The following FSD1L variants were observed in gnomAD, a reference collection of about 807,000 sequenced individuals.
FSD1L encodes the protein fibronectin type III and SPRY domain containing 1 like.
A neutral mutation model predicts 71.6 loss-of-function variants in FSD1L; 45 were observed. That is an observed-to-expected ratio of 0.63 (90% confidence interval 0.49 to 0.81). FSD1L has a LOEUF of 0.81. Ranked by LOEUF, FSD1L falls within the 30% of genes least tolerant of loss-of-function variation. FSD1L has a pLI of 0.00. For missense variants in FSD1L, 561 were observed against 618.1 expected (o/e 0.91, Z 0.98); for synonymous variants, 197 against 207.2 (o/e 0.95, Z 0.42).
At chr9:105,454,921 TAGAG>T (rs1485381610) in intron 1 of FSD1L, among the ~76,000 whole-genome samples, 2 of 152,208 alleles carry the variant, frequency 1.3e-5, no homozygotes, top group African/African-American at 4.8e-5. Context: ...GTTTCACTGT[TAGAG>T]AGGGTGTAGC....
intron 12 of FSD1L, among the ~76,000 whole-genome samples, chr9:105,537,111 G>C (rs977578225): frequency 6.6e-6 from 1 of 152,046 alleles, no homozygotes; most frequent in Non-Finnish European, 1.5e-5. Flanking sequence ...CATTGAATTA[G>C]TTATTTCATA....
chr9:105,447,619 A>G (rs1829699830), upstream of FSD1L, among the ~76,000 whole-genome samples: 1 of 152,072 alleles, frequency 6.6e-6, no homozygotes, highest in Non-Finnish European at 1.5e-5. Flanking sequence ...CGTTTCCACC[A>G]CATCCCCTAA....
At chr9:105,525,443 A>G in intron 10 of FSD1L, 1 of 1,608,152 alleles carries the variant, frequency 6.2e-7, no homozygotes, top group Non-Finnish European at 8.5e-7. Flanking sequence ...CATACAGAAG[A>G]AAAAGAATTT....
chr9:105,504,500 C>A (rs1390097516), intron 7 of FSD1L, among the ~76,000 whole-genome samples: 1 of 152,054 alleles, frequency 6.6e-6, no homozygotes, highest in African/African-American at 2.4e-5. Flanking sequence ...TATTTGTTAG[C>A]TCTCATGTTG....
chr9:105,475,884 C>G (rs1831761776), intron 5 of FSD1L, among the ~76,000 whole-genome samples: 1 of 152,034 alleles, frequency 6.6e-6, no homozygotes, highest in South Asian at 2.1e-4. Context: ...TACAAAACTT[C>G]TAATGTATGG....
chr9:105,465,589 A>G (rs1003257900), intron 3 of FSD1L, among the ~76,000 whole-genome samples: 5 of 152,216 alleles, frequency 3.3e-5, no homozygotes, highest in Non-Finnish European at 5.9e-5. Flanking sequence ...CTGGGATGCA[A>G]GGATGGTTCA....
At chr9:105,491,416 C>T (rs1231087240) in intron 7 of FSD1L, among the ~76,000 whole-genome samples, 5 of 152,046 alleles carry the variant, frequency 3.3e-5, no homozygotes, top group South Asian at 2.1e-4. Flanking sequence ...AATGGGGTTT[C>T]CTAGATATAC....
intron 7 of FSD1L, among the ~76,000 whole-genome samples, chr9:105,499,622 C>T (rs1308240950): frequency 6.6e-6 from 1 of 151,622 alleles, no homozygotes; most frequent in Admixed American, 6.6e-5. Flanking sequence ...TTTCTGTGGT[C>T]TGAATATATG....
In FSD1L at chr9:105,487,387, G is replaced by T. The variant is rs568994271; in HGVS notation, c.586+2885G>T. On this transcript the variant is annotated intron_variant, in intron 7 of 13. Transcript: ENST00000481272. ...TATATGTACTGGAAAATATTTGAAT[G>T]CCTGTATTGTTATACTGCTGCAAAC... is the stretch of plus-strand genomic sequence containing the variant. Among the ~76,000 whole-genome samples, 3 of 150,960 alleles carry T rather than the reference G, an allele frequency of 2.0e-5. No individual in the cohort carries two copies. In the East Asian group the frequency reaches 5.8e-4, roughly 29 times the overall value.
intron 2 of FSD1L, 44 bp downstream of exon 2, chr9:105,461,659 G>A: frequency 8.5e-7 from 1 of 1,181,174 alleles, no homozygotes. Flanking sequence ...TTGAAGATCT[G>A]ATTCAAAATT....
At chr9:105,517,188 A>G (rs1403707046) in intron 10 of FSD1L, among the ~76,000 whole-genome samples, 2 of 152,232 alleles carry the variant, frequency 1.3e-5, no homozygotes, top group Non-Finnish European at 2.9e-5. Context: ...AAAAGACCAA[A>G]TCTACATTTG....
At chr9:105,540,982 C>T (rs1836574247) in intron 13 of FSD1L, among the ~76,000 whole-genome samples, 1 of 152,048 alleles carries the variant, frequency 6.6e-6, no homozygotes, top group Non-Finnish European at 1.5e-5. Context: ...TGGAGGCTAC[C>T]TCTATAAGTC....
intron 13 of FSD1L, among the ~76,000 whole-genome samples, chr9:105,543,982 G>C (rs1289585100): frequency 6.6e-6 from 1 of 152,160 alleles, no homozygotes; most frequent in Non-Finnish European, 1.5e-5. Context: ...GGTATTTCTA[G>C]TTCTAGATCC....
Position 105,506,552 on chromosome 9 carries a change from A to T in FSD1L, c.740A>T (p.Asp247Val). The change falls in exon 8 of 14, where the codon GAT (aspartate) becomes GTT (valine). Residue 247 changes from aspartate (D) to valine (V), a missense_variant. Transcript: ENST00000481272. ...TTTGATGGACTTCCACGTGTAAAGG[A>T]TGAGCGATGCTGGGAGATAATTGAT... ...TNFDGLPRVK[D>V]ERCWEIIDNI... 6.4e-7 allele frequency: 1 copy of T among 1,551,364 alleles called. No individual in the cohort carries two copies. Among genetic ancestry groups the T allele is most frequent in the South Asian group, 1.2e-5 (1 of 84,050 alleles).
chr9:105,500,889 A>C (rs1833719033), intron 7 of FSD1L: 2 of 152,226 alleles, frequency 1.3e-5, no homozygotes, highest in Non-Finnish European at 2.9e-5. Context: ...AACTCAGCTT[A>C]ATAATATCAG....
At chr9:105,500,346 C>G (rs557319373) in intron 7 of FSD1L, among the ~76,000 whole-genome samples, 2 of 152,040 alleles carry the variant, frequency 1.3e-5, no homozygotes, top group African/African-American at 2.4e-5. Context: ...GCCTCTGGAC[C>G]GTGAACTTTG....
chr9:105,460,723 G>T (rs1830637628), intron 1 of FSD1L, among the ~76,000 whole-genome samples: 1 of 151,876 alleles, frequency 6.6e-6, no homozygotes, highest in African/African-American at 2.4e-5. Flanking sequence ...TATGTCAGTT[G>T]TCCTTAGGTG....
At chr9:105,500,427 C>T (rs2131334566) in intron 7 of FSD1L, among the ~76,000 whole-genome samples, 1 of 152,262 alleles carries the variant, frequency 6.6e-6, no homozygotes, top group Admixed American at 6.5e-5. Context: ...CTGGAGTGGG[C>T]TGGGGTTGGT....
At chr9:105,499,817 T>C (rs973645955) in intron 7 of FSD1L, among the ~76,000 whole-genome samples, 4 of 152,226 alleles carry the variant, frequency 2.6e-5, no homozygotes, top group Middle Eastern at 3.4e-3. Context: ...ATTATACATA[T>C]TTACTCCTTT....
Sources: allele counts gnomAD v4.1 joint callset (sites outside exome capture counted in the v4.1 genomes callset), GRCh38; gene constraint gnomAD v4.1.1; transcripts MANE v1.5; gene names NCBI Gene and HGNC (gene_info 2026-07-23, HGNC 2026-07-21).